Variants in FAF1 observed in about 807,000 individuals in gnomAD.
FAF1 encodes the protein FAS-associated factor 1.
A neutral mutation model predicts 92.5 loss-of-function variants in FAF1; 25 were observed. That is an observed-to-expected ratio of 0.27 (90% CI 0.20 to 0.38). The LOEUF is 0.38. FAF1 is among the 10% of genes least tolerant of loss of function. FAF1 has a pLI of 1.00. For missense variants in FAF1, 636 were observed against 793.3 expected, an observed-to-expected ratio of 0.80 and a Z score of 2.38; for synonymous variants, 234 against 273.2, an observed-to-expected ratio of 0.86 and a Z score of 1.42.
chr1:50,500,785 T>TA (rs1572788844), intron 15 of FAF1, among the ~76,000 whole-genome samples: 1 of 151,914 alleles, frequency 6.6e-6, no homozygotes, highest in African/African-American at 2.4e-5. Context: ...AAAGTAAAAA[T>TA]AAAAAAATTA....
intron 1 of FAF1, among the ~76,000 whole-genome samples, chr1:50,896,838 T>C (rs1644761317): frequency 6.6e-6 from 1 of 152,190 alleles, no homozygotes; most frequent in African/African-American, 2.4e-5. Context: ...TTTTGCTAGA[T>C]GAAGAAGAGT....
In FAF1 at chr1:50,539,695, A is replaced by T. The variant is rs760438975; in HGVS notation, c.1302T>A (p.Ser434Arg). ...FLTMCNRHFG[S>R]VVAQTIRTQK... ...GAGTCCGAATGGTTTGTGCCACAAC[A>T]CTGCCAAAGTGTCTATTGCACATAG... The change falls in exon 14 of 19, where the codon AGT (serine) becomes AGA (arginine). Residue 434 changes from serine (S) to arginine (R), a missense_variant. Physicochemically the swap from Ser to Arg is moderately radical, Grantham distance 110. Coordinates refer to ENST00000396153, the MANE Select transcript of FAF1 (RefSeq NM_007051.3). The T allele has an allele frequency of 9.3e-6, 15 of 1,612,546 alleles. No homozygotes were observed. Among genetic ancestry groups the T allele is most frequent in the Non-Finnish European group, 1.3e-5 (15 of 1,178,858 alleles).
chr1:50,959,686 A>G (rs1645299433), intron 1 of FAF1, 81 bp downstream of exon 1: 2 of 1,292,620 alleles, frequency 1.5e-6, no homozygotes, highest in Middle Eastern at 1.9e-4. Context: ...GCAGCGTTCA[A>G]ACGCTGGGAA....
intron 1 of FAF1, among the ~76,000 whole-genome samples, chr1:50,905,384 C>A (rs564965217): frequency 6.6e-6 from 1 of 152,158 alleles, no homozygotes; most frequent in Middle Eastern, 3.2e-3. Context: ...ATTCATAATC[C>A]TTTGGATATA....
At chr1:50,494,144 T>C (rs1156434510) in intron 15 of FAF1, among the ~76,000 whole-genome samples, 6 of 152,228 alleles carry the variant, frequency 3.9e-5, no homozygotes, top group South Asian at 2.1e-4. Context: ...TTGGTAGTTG[T>C]TGGTGAATGG....
At chr1:50,737,219 T>C (rs1659178166) in intron 6 of FAF1, among the ~76,000 whole-genome samples, 1 of 152,214 alleles carries the variant, frequency 6.6e-6, no homozygotes, top group South Asian at 2.1e-4. Flanking sequence ...AAACACTGCA[T>C]TTCAGCAGCA....
intron 1 of FAF1, among the ~76,000 whole-genome samples, chr1:50,893,008 G>A (rs1644731833): frequency 6.6e-6 from 1 of 152,030 alleles, no homozygotes; most frequent in African/African-American, 2.4e-5. Flanking sequence ...TAGTTCAATT[G>A]CATTTTCAAC....
intron 1 of FAF1, among the ~76,000 whole-genome samples, chr1:50,891,483 C>T (rs998063040): frequency 6.6e-6 from 1 of 152,090 alleles, no homozygotes; most frequent in Non-Finnish European, 1.5e-5. Flanking sequence ...TTCTTGCCAT[C>T]TTTGTGTTTT....
chr1:50,700,966 A>G (rs564146849), intron 7 of FAF1, among the ~76,000 whole-genome samples: 11 of 152,248 alleles, frequency 7.2e-5, no homozygotes, highest in Non-Finnish European at 1.3e-4. Context: ...TTATAAAATG[A>G]TCCCTACTGA....
rs1457603252 is a variant in FAF1 at position 50,752,694 on chromosome 1, TG to T, written c.368-7920del. 7.2e-5 allele frequency among the ~76,000 whole-genome samples: 11 copies of T among 152,272 alleles called. No individual in the cohort carries two copies. In the South Asian group the frequency reaches 2.3e-3, roughly 32 times the overall value. ...TTTGCTCATTTTTTTGGTTTTGTTT[TG>T]TTTTTTTGAGACAGTCTCATTTTGT... On this transcript the variant is annotated intron_variant, in intron 4 of 18. Coordinates refer to ENST00000396153, the MANE Select transcript of FAF1 (RefSeq NM_007051.3).
chr1:50,672,201 T>A (rs1179393765), intron 7 of FAF1, among the ~76,000 whole-genome samples: 1 of 151,936 alleles, frequency 6.6e-6, no homozygotes, highest in Non-Finnish European at 1.5e-5. Context: ...CCTGCCACCA[T>A]GCCCAGCTAA....
intron 18 of FAF1, among the ~76,000 whole-genome samples, chr1:50,447,016 T>C (rs1646234984): frequency 6.8e-6 from 1 of 146,642 alleles, no homozygotes; most frequent in African/African-American, 2.7e-5. Context: ...CTCTTACAAG[T>C]AGCCTAAAAG....
intron 1 of FAF1, among the ~76,000 whole-genome samples, chr1:50,922,971 A>AT (rs1644977431): frequency 6.6e-6 from 1 of 152,198 alleles, no homozygotes; most frequent in East Asian, 1.9e-4. Context: ...ACAAAAGATC[A>AT]TTGCAGGATA....
chr1:50,580,622 T>TA (rs1301222542), intron 12 of FAF1, among the ~76,000 whole-genome samples: 5 of 152,060 alleles, frequency 3.3e-5, no homozygotes, highest in South Asian at 2.1e-4. Context: ...TATTAAAAGG[T>TA]AAAAAAAGCT....
intron 1 of FAF1, among the ~76,000 whole-genome samples, chr1:50,947,926 ACT>A (rs1274358295): frequency 6.6e-6 from 1 of 152,254 alleles, no homozygotes; most frequent in East Asian, 1.9e-4. Context: ...GTAAATAGTC[ACT>A]GAGCACCTTT....
At chr1:50,748,571 A>T (rs1223344966) in intron 4 of FAF1, among the ~76,000 whole-genome samples, 3 of 152,154 alleles carry the variant, frequency 2.0e-5, no homozygotes, top group Non-Finnish European at 4.4e-5. Flanking sequence ...GCTAATGAGA[A>T]ACAGTGAGAA....
chr1:50,547,443 T>C lies in FAF1; in HGVS notation c.1269-7715A>G, dbSNP rs568600825. Among the ~76,000 whole-genome samples, 9 of 152,180 alleles carry C rather than the reference T, an allele frequency of 5.9e-5. No individual in the cohort carries two copies. The South Asian group carries it at 1.9e-3, about 32-fold the overall frequency. Reference sequence around the variant, plus strand: ...TTTTTTTTTTTTTGAGATGGAGTTTTGCTCTTGTTGCCCAGGCTGTAGTGC... The same window carrying C: ...TTTTTTTTTTTTTGAGATGGAGTTTCGCTCTTGTTGCCCAGGCTGTAGTGC... On this transcript the variant is annotated intron_variant, in intron 13 of 18. Coordinates refer to ENST00000396153, the MANE Select transcript of FAF1 (RefSeq NM_007051.3).
chr1:50,485,933 A>G (rs1204121487), intron 17 of FAF1, among the ~76,000 whole-genome samples: 1 of 152,030 alleles, frequency 6.6e-6, no homozygotes, highest in East Asian at 1.9e-4. Context: ...CCATCATGAG[A>G]ACAGCAAGGG....
chr1:50,787,636 A>G (rs1044825793), intron 4 of FAF1, among the ~76,000 whole-genome samples: 1 of 152,218 alleles, frequency 6.6e-6, no homozygotes, highest in Non-Finnish European at 1.5e-5. Flanking sequence ...TTGTTATAGC[A>G]GCACAAAAAG....
Sources: allele counts gnomAD v4.1 joint callset (sites outside exome capture counted in the v4.1 genomes callset), GRCh38; gene constraint gnomAD v4.1.1; transcripts MANE v1.5; gene names NCBI Gene and HGNC (gene_info 2026-07-23, HGNC 2026-07-21).